Variants in ISYNA1 observed in about 807,000 individuals in gnomAD.
ISYNA1 encodes the protein inositol-3-phosphate synthase 1.
In ISYNA1, 34 loss-of-function variants were observed where a neutral mutation model predicts 50.3. The ratio of observed to expected loss-of-function variants is 0.68; its 90% CI spans 0.51 to 0.90. The LOEUF (loss-of-function observed/expected upper bound fraction) is 0.90. Ranked by LOEUF, ISYNA1 falls within the 40% of genes least tolerant of loss-of-function variation. The probability of loss-of-function intolerance (pLI) is 0.00; values close to 1 mark genes in which losing one functional copy is unlikely to be tolerated. For missense variants in ISYNA1, 718 were observed against 784.8 expected (o/e 0.91, Z 1.02); for synonymous variants, 396 against 349.9 (o/e 1.13, Z -1.47).
Position 18,435,064 on chromosome 19 carries a change from T to A in ISYNA1, c.1526A>T (p.Glu509Val), listed in dbSNP as rs1331148034. ...TCGCTTGAGGCTGGGCCCTGGGCGC[T>A]CCATTTTGTGTTCCAGGAGCATGTG... is the stretch of plus-strand genomic sequence containing the variant. Reference protein sequence around the residue: ...QNHMLLEHKMERPGPSLKRVG... With the variant: ...QNHMLLEHKMVRPGPSLKRVG... Residue 509 changes from glutamate to valine, a missense_variant, in exon 11 of 11, where the codon GAG becomes GTG. Glu to Val is a moderately radical substitution (Grantham distance 121). Coordinates refer to ENST00000338128, the MANE Select transcript of ISYNA1 (RefSeq NM_016368.5). 1 of 1,613,382 alleles carries A rather than the reference T, an allele frequency of 6.2e-7. No individual in the cohort carries two copies. The highest frequency in any genetic ancestry group is 8.5e-7 in the Non-Finnish European group (1 of 1,179,940).
Position 18,434,792 on chromosome 19 carries a change from G to T in ISYNA1, c.*121C>A. ...AGAGGGAGGCAGAGTCAGGTCACAG[G>T]CCCCAAGAACCCCAGGTGGAAGGAG... On this transcript the variant is annotated 3_prime_UTR_variant, in exon 11 of 11. Coordinates refer to ENST00000338128, the MANE Select transcript of ISYNA1 (RefSeq NM_016368.5). 1 of 827,632 alleles carries T rather than the reference G, an allele frequency of 1.2e-6. No homozygotes were observed. Among genetic ancestry groups the T allele is most frequent in the East Asian group, 2.5e-5 (1 of 40,606 alleles). The allele number at this position is 827,632 out of a possible 1,614,324, so 51.3% of individuals were successfully genotyped here.
chr19:18,435,393 C>G lies in ISYNA1; in HGVS notation c.1345G>C (p.Glu449Gln), dbSNP rs145899718. 1.6e-4 allele frequency: 254 copies of G among 1,611,474 alleles called. 2 individuals carry two copies. The East Asian group carries it at 5.6e-3, about 36-fold the overall frequency. The change falls in exon 10 of 11, where the codon GAG (glutamate) becomes CAG (glutamine). Residue 449 changes from glutamate (E) to glutamine (Q), a missense_variant. Glu to Gln is a conservative substitution (Grantham distance 29). Around this residue, in one of 3 missense-constraint regions of ISYNA1, gnomAD observed 305 missense variants for 292.6 expected, o/e 1.04. Coordinates refer to ENST00000338128, the MANE Select transcript of ISYNA1 (RefSeq NM_016368.5). ...RVSFCTDMDPEPQTFHPVLSL... is the reference protein window; with the variant it reads ...RVSFCTDMDPQPQTFHPVLSL... ...AGCACGGGGTGGAAGGTCTGCGGCTCGGGGTCCATGTCAGTGCAGAAGCTC... is the reference window on the plus strand; with the variant it reads ...AGCACGGGGTGGAAGGTCTGCGGCTGGGGGTCCATGTCAGTGCAGAAGCTC...
chr19:18,437,906 T>A lies in ISYNA1; in HGVS notation c.74A>T (p.Tyr25Phe), dbSNP rs1018181999. The change falls in exon 2 of 11, where the codon TAC becomes TTC. Residue 25 changes from tyrosine (Y) to phenylalanine (F), a missense_variant. This residue lies in a region of ISYNA1 where 403 missense variants were observed against 466.6 expected (regional missense o/e 0.86). Transcript: ENST00000338128. ...GCTGACGCGCGTCGTCCGGTACTCG[T>A]ATTGCGCCTCGATGGCCTCGGGGCC... is the stretch of plus-strand genomic sequence containing the variant. ...VYGPEAIEAQ[Y>F]EYRTTRVSRE... The A allele has an allele frequency of 3.8e-5, 62 of 1,611,966 alleles. No homozygotes were observed. The highest frequency in any genetic ancestry group is 5.2e-5 in the Non-Finnish European group (61 of 1,179,726).
chr19:18,437,139 G>A, intron 3 of ISYNA1, 34 bp from the exon 4 acceptor site: 1 of 1,540,650 alleles, frequency 6.5e-7, no homozygotes, highest in Non-Finnish European at 8.8e-7. Context: ...GGTGACGGGT[G>A]GGAGTGGTGA....
intron 2 of ISYNA1, 22 bp downstream of exon 2, chr19:18,437,838 C>T: frequency 6.2e-7 from 1 of 1,611,034 alleles, no homozygotes. Flanking sequence ...AGCACGCCTC[C>T]TTCCTCAGCC....
In ISYNA1 at chr19:18,436,260, C is replaced by A; in HGVS notation, c.760-13G>T. ...CCTCCAGACCGAGCTGTGGGCAAGGCGGGCAGTCAGCACAGAGCTGTGTCT... is the reference window on the plus strand; with the variant it reads ...CCTCCAGACCGAGCTGTGGGCAAGGAGGGCAGTCAGCACAGAGCTGTGTCT... On this transcript the variant is annotated splice_polypyrimidine_tract_variant and intron_variant, in intron 6 of 10. Coordinates refer to ENST00000338128, the MANE Select transcript of ISYNA1 (RefSeq NM_016368.5). The A allele has an allele frequency of 6.2e-7, 1 of 1,607,652 alleles. No individual in the cohort carries two copies. Among genetic ancestry groups the A allele is most frequent in the Non-Finnish European group, 8.5e-7 (1 of 1,179,744 alleles).
At position 18,435,315 on chromosome 19, in the gene ISYNA1, C is replaced by G. The variant is rs140768810; in HGVS notation, c.1423G>C (p.Val475Leu). ...KAPLVPPGSPVVNALFRQRSC... is the reference protein window; with the variant it reads ...KAPLVPPGSPLVNALFRQRSC... ...CGCTGGCGGAAAAGCGCATTGACCA[C>G]CGGGCTGCCGGGCGGCACTAGTGGC... Residue 475 changes from valine (V) to leucine (L), a missense_variant, in exon 10 of 11, where the codon GTG becomes CTG. Coordinates refer to ENST00000338128, the MANE Select transcript of ISYNA1 (RefSeq NM_016368.5). 481 of 1,608,358 alleles carry G rather than the reference C, an allele frequency of 3.0e-4. No individual in the cohort carries two copies. The highest frequency in any genetic ancestry group is 3.6e-4 in the Non-Finnish European group (428 of 1,179,974).
rs369473497 is a variant in ISYNA1, at chr19:18,436,392, G to A, written c.697C>T (p.Arg233Cys). ...AGGCCTGGAATCACCTCACAGAAGC[G>A]CTCCGTGTTCGCCGTCCACAGCACT... The part of the protein sequence containing the change: ...VIVLWTANTE[R>C]FCEVIPGLND... Residue 233 changes from arginine to cysteine, a missense_variant, in exon 6 of 11, where the codon CGC becomes TGC. Coordinates refer to ENST00000338128, the MANE Select transcript of ISYNA1 (RefSeq NM_016368.5). 258 of 1,611,928 alleles carry A rather than the reference G, an allele frequency of 1.6e-4. No homozygotes were observed. Among genetic ancestry groups the A allele is most frequent in the Non-Finnish European group, 2.1e-4 (248 of 1,179,880 alleles).
Position 18,436,800 on chromosome 19 carries a change from G to A in ISYNA1, c.493C>T (p.Leu165=), listed in dbSNP as rs1600397630. The change falls in exon 5 of 11, where the codon CTG becomes TTG. Residue 165 remains leucine, a synonymous_variant. Coordinates refer to ENST00000338128, the MANE Select transcript of ISYNA1 (RefSeq NM_016368.5). The part of the protein sequence containing the change: ...KVLDWGLQEQ[L]WPHMEALRPR... Reference sequence around the variant, plus strand: ...CGCAGGGCCTCCATGTGCGGCCACAGTTGCTCCTGCAGCCCCCAGTCCAGC... The same window carrying A: ...CGCAGGGCCTCCATGTGCGGCCACAATTGCTCCTGCAGCCCCCAGTCCAGC... The A allele has an allele frequency of 6.3e-7, 1 of 1,584,298 alleles. No homozygotes were observed. The highest frequency in any genetic ancestry group is 1.7e-4 in the Middle Eastern group (1 of 5,916).
chr19:18,435,315 C>T lies in ISYNA1; in HGVS notation c.1423G>A (p.Val475Met), dbSNP rs140768810. The change falls in exon 10 of 11, where the codon GTG becomes ATG. Residue 475 changes from valine to methionine, a missense_variant. Transcript: ENST00000338128. ...CGCTGGCGGAAAAGCGCATTGACCA[C>T]CGGGCTGCCGGGCGGCACTAGTGGC... ...KAPLVPPGSP[V>M]VNALFRQRSC... 1.7e-3 allele frequency: 2,687 copies of T among 1,608,358 alleles called. 5 individuals carry two copies. The highest frequency in any genetic ancestry group is 2.0e-3 in the Non-Finnish European group (2,414 of 1,179,974).
intron 3 of ISYNA1, 200 bp from the exon 4 acceptor site, chr19:18,437,305 C>T (rs1348553599): frequency 4.9e-6 from 7 of 1,420,798 alleles, no homozygotes; most frequent in South Asian, 3.1e-5. Context: ...CCCTGTAAGA[C>T]TCCCGAGGAG....
Position 18,435,822 on chromosome 19 carries a change from C to T in ISYNA1, c.1075G>A (p.Val359Met), listed in dbSNP as rs776608750. The change falls in exon 8 of 11, where the codon GTG (valine) becomes ATG (methionine). Residue 359 changes from valine (V) to methionine (M), a missense_variant. By Grantham distance (21) the Val-to-Met change is conservative. Around this residue, in one of 3 missense-constraint regions of ISYNA1, gnomAD observed 305 missense variants for 292.6 expected, o/e 1.04. Coordinates refer to ENST00000338128, the MANE Select transcript of ISYNA1 (RefSeq NM_016368.5). ...FRSKEVSKSNVVDDMVQSNPV... is the reference protein window; with the variant it reads ...FRSKEVSKSNMVDDMVQSNPV... The stretch of plus-strand genomic sequence containing the variant: ...TTGCTCTGCACCATGTCGTCCACCA[C>T]GTTGCTCTTGGACACCTCCTTAGAG... 20 of 1,613,946 alleles carry T rather than the reference C, an allele frequency of 1.2e-5. No individual in the cohort carries two copies. In the South Asian group the frequency reaches 2.1e-4, roughly 17 times the overall value.
chr19:18,436,920 C>CCTCCAGACCCCATCTCCCATCCCG (rs1568366897), intron 4 of ISYNA1, 43 bp from the exon 5 acceptor site: 2 of 1,596,324 alleles, frequency 1.3e-6, no homozygotes, highest in Non-Finnish European at 1.7e-6. Flanking sequence ...ATCCTGGGCC[C>CCTCCAGACCCCATCTCCCATCCCG]CTCCAGACCC....
intron 3 of ISYNA1, chr19:18,437,368 G>A: frequency 3.3e-6 from 3 of 897,572 alleles, no homozygotes; most frequent in Non-Finnish European, 4.1e-6. Flanking sequence ...GCCAGGCCCC[G>A]CCCCCTGCAA....
intron 10 of ISYNA1, 41 bp downstream of exon 10, chr19:18,435,225 G>A: frequency 7.0e-6 from 11 of 1,579,844 alleles, no homozygotes; most frequent in Non-Finnish European, 9.5e-6. Context: ...AGCCAGGGGG[G>A]TATCTGGGCC....
chr19:18,435,732 G>C, intron 8 of ISYNA1, 25 bp downstream of exon 8: 1 of 1,607,552 alleles, frequency 6.2e-7, no homozygotes, highest in Non-Finnish European at 8.5e-7. Context: ...GGGCAACCCC[G>C]CGCCCGCGCC....
rs562850563 is a variant in ISYNA1 at position 18,437,730 on chromosome 19, G to A, written c.151C>T (p.Arg51Trp). The change falls in exon 3 of 11, where the codon CGG becomes TGG. Residue 51 changes from arginine to tryptophan, a missense_variant. This residue lies in a region of ISYNA1 where 403 missense variants were observed against 466.6 expected (regional missense o/e 0.86). Coordinates refer to ENST00000338128, the MANE Select transcript of ISYNA1 (RefSeq NM_016368.5). ...VHPTSTRFTF[R>W]TARQVPRLGV... ...AGCCGGGGCACCTGCCGGGCGGTCC[G>A]GAAGGTGAAGCGCGTGGACGTGGGG... The A allele has an allele frequency of 1.3e-5, 20 of 1,568,808 alleles. No individual in the cohort carries two copies. The South Asian group carries it at 2.1e-4, about 16-fold the overall frequency.
rs1344886989 is a variant in ISYNA1, at chr19:18,436,149, G to A, written c.858C>T (p.Pro286=). The A allele has an allele frequency of 3.1e-6, 5 of 1,612,480 alleles. No individual in the cohort carries two copies. The highest frequency in any genetic ancestry group is 1.3e-5 in the African/African-American group (1 of 75,056). The change falls in exon 7 of 11, where the codon CCC becomes CCT. Residue 286 remains proline (P), a synonymous_variant. Transcript: ENST00000338128. ...GCTGCCACGCGAGCTCAAGAGCTCC[G>A]GGCACCAGGGTGTTCTGCGGAGACC... ...LNGSPQNTLV[P]GALELAWQHR... is the part of the protein sequence containing the mutation.
Position 18,434,480 on chromosome 19 carries a change from A to G in ISYNA1, c.*433T>C, listed in dbSNP as rs988153316. ...CCATTTGTATTTTGTCCCAGAGAGA[A>G]AGGCTCTTTGGGGGGCCCCTCTCCC... On this transcript the variant is annotated 3_prime_UTR_variant, in exon 11 of 11. Coordinates refer to ENST00000338128, the MANE Select transcript of ISYNA1 (RefSeq NM_016368.5). 6.2e-5 allele frequency: 54 copies of G among 872,570 alleles called. No homozygotes were observed. The highest frequency in any genetic ancestry group is 7.2e-5 in the Non-Finnish European group (45 of 622,436). The allele number at this position is 872,570 out of a possible 1,614,324, so 54.1% of individuals were successfully genotyped here.
Sources: gnomAD v4.1 joint callset for allele counts on GRCh38, gnomAD v4.1.1 for gene constraint, gnomAD v4.1.1 regional missense constraint, MANE v1.5 for transcripts, NCBI Gene and HGNC (gene_info 2026-07-23, HGNC 2026-07-21) for gene names.